The following EPHA7 variants were observed in gnomAD, a reference collection of about 807,000 sequenced individuals.
EPHA7 encodes EPH receptor A7.
A neutral mutation model predicts 112.6 loss-of-function variants in EPHA7; 25 were observed. That is an observed-to-expected ratio of 0.22 (90% CI 0.16 to 0.31). The LOEUF is 0.31. EPHA7 is among the 10% of genes least tolerant of loss of function. EPHA7 has a pLI of 1.00. For synonymous variants in EPHA7, 437 were observed against 406.5 expected (o/e 1.07, Z -0.90); for missense variants, 962 against 1,212.6 (o/e 0.79, Z 3.07).
At chr6:93,400,910 G>T (rs1374710015) in intron 3 of EPHA7, among the ~76,000 whole-genome samples, 1 of 152,112 alleles carries the variant, frequency 6.6e-6, no homozygotes, top group Non-Finnish European at 1.5e-5. Flanking sequence ...ACTTAAAAAT[G>T]ATAAATGTAT....
At chr6:93,405,835 A>G (rs866388011) in intron 3 of EPHA7, among the ~76,000 whole-genome samples, 12,097 of 134,686 alleles carry the variant, frequency 0.09, 732 homozygotes, top group East Asian at 0.18. Flanking sequence ...ATATATATAT[A>G]TATATATATA....
chr6:93,368,801 A>AAATTG (rs1256093326), intron 3 of EPHA7, among the ~76,000 whole-genome samples: 1 of 152,192 alleles, frequency 6.6e-6, no homozygotes, highest in Non-Finnish European at 1.5e-5. Flanking sequence ...AGTTAAAGCA[A>AAATTG]TCGTTCTAGC....
At chr6:93,302,833 A>T (rs948821173) in intron 5 of EPHA7, among the ~76,000 whole-genome samples, 3 of 152,074 alleles carry the variant, frequency 2.0e-5, no homozygotes, top group African/African-American at 4.8e-5. Flanking sequence ...GAAGAGAAAT[A>T]GTTGCCGATG....
chr6:93,366,404 A>C (rs1327661048), intron 3 of EPHA7, among the ~76,000 whole-genome samples: 1 of 152,200 alleles, frequency 6.6e-6, no homozygotes, highest in Non-Finnish European at 1.5e-5. Flanking sequence ...TTATATTTCT[A>C]TCTGCAAATG....
At chr6:93,260,790 A>G (rs1770651797) in intron 9 of EPHA7, 1 of 960,782 alleles carries the variant, frequency 1.0e-6, no homozygotes, top group African/African-American at 1.8e-5. Context: ...CTGAAGATGA[A>G]AAAAAAAACA....
chr6:93,402,166 T>C (rs1427014542), intron 3 of EPHA7, among the ~76,000 whole-genome samples: 4 of 152,158 alleles, frequency 2.6e-5, no homozygotes, highest in Admixed American at 2.6e-4. Flanking sequence ...AGTTTCCTAT[T>C]TCCTTCCGTA....
rs565624055 is a variant in EPHA7, at chr6:93,263,203, G to T, written c.1798+657C>A. On this transcript the variant is annotated intron_variant, in intron 9 of 16. Transcript: ENST00000369303. ...CATAAAGTAATAACAGTTACTCTCA[G>T]TGCTCTCATTTTCACATGCCATCTT... Among the ~76,000 whole-genome samples the T allele has an allele frequency of 2.3e-4, 35 of 151,402 alleles. 3 individuals are homozygous for T. In the South Asian group the frequency reaches 6.8e-3, roughly 30 times the overall value.
At position 93,393,859 on chromosome 6, in the gene EPHA7, G is replaced by A. The variant is rs1778028691; in HGVS notation, c.832+16642C>T. Among the ~76,000 whole-genome samples the A allele has an allele frequency of 1.3e-5, 2 of 151,692 alleles. 1 individual carries two copies. The highest frequency in any genetic ancestry group is 4.2e-4 in the South Asian group (2 of 4,816). ...CCTCTTTTATGGAAACTCTTTGAAT[G>A]AGGTTTCTGAAAAAAAAGTCCATCA... On this transcript the variant is annotated intron_variant, in intron 3 of 16. Transcript: ENST00000369303.
chr6:93,263,597 A>C (rs563427400), intron 9 of EPHA7, among the ~76,000 whole-genome samples: 1 of 151,582 alleles, frequency 6.6e-6, no homozygotes, highest in Non-Finnish European at 1.5e-5. Flanking sequence ...CACTTGGGCA[A>C]AGTTTGCAAA....
In EPHA7 at chr6:93,246,967, C is replaced by T. The variant is rs2127847290; in HGVS notation, c.2551G>A (p.Glu851Lys). The T allele has an allele frequency of 6.3e-7, 1 of 1,591,840 alleles. No individual in the cohort carries two copies. Among genetic ancestry groups the T allele is most frequent in the Non-Finnish European group, 8.6e-7 (1 of 1,162,938 alleles). ...SNQDVIKAIEEGYRLPAPMDC... is the reference protein window; with the variant it reads ...SNQDVIKAIEKGYRLPAPMDC... ...ATGGGTGCTGGTAAACGATAACCTT[C>T]TTCTATTGCTTTTATAACCTAATAG... Residue 851 changes from glutamate to lysine, a missense_variant, in exon 15 of 17, where the codon GAA becomes AAA. Transcript: ENST00000369303.
chr6:93,258,251 T>C lies in EPHA7; in HGVS notation c.1958A>G (p.Lys653Arg). The C allele has an allele frequency of 1.2e-6, 2 of 1,611,038 alleles. No homozygotes were observed. The highest frequency in any genetic ancestry group is 1.7e-6 in the Non-Finnish European group (2 of 1,178,408). ...TGCAACATCTCTTTTCCCTGGAAGT[T>C]TCAAACGGCCACTGCAGACTTCACC... Reference protein sequence around the residue: ...EFGEVCSGRLKLPGKRDVAVA... With the variant: ...EFGEVCSGRLRLPGKRDVAVA... The change falls in exon 11 of 17, where the codon AAA (lysine) becomes AGA (arginine). Residue 653 changes from lysine (K) to arginine (R), a missense_variant. By Grantham distance (26) the Lys-to-Arg change is conservative. Transcript: ENST00000369303.
rs557972409 is a variant in EPHA7, at chr6:93,390,060, C to T, written c.832+20441G>A. On this transcript the variant is annotated intron_variant, in intron 3 of 16. Transcript: ENST00000369303. ...TAACAAAATCACTAAACTTTAGCAT[C>T]AGAAATAAGGAGACAAAGCAGCATG... 3.8e-4 allele frequency among the ~76,000 whole-genome samples: 57 copies of T among 151,858 alleles called. 1 individual carries two copies. The highest frequency in any genetic ancestry group is 2.2e-4 in the Non-Finnish European group (15 of 67,804).
At chr6:93,365,893 A>T (rs1776483204) in intron 3 of EPHA7, among the ~76,000 whole-genome samples, 1 of 152,194 alleles carries the variant, frequency 6.6e-6, no homozygotes, top group Non-Finnish European at 1.5e-5. Flanking sequence ...GTGTTATTTA[A>T]TTATTTGATG....
rs568334270 is a variant in EPHA7, at chr6:93,254,681, C to T, written c.2498G>A (p.Gly833Glu). ...GIVMWEVMSY[G>E]ERPYWDMSNQ... ...TGACATGTCCCAATAAGGTCTTTCT[C>T]CATAAGACATAACTTCCCACATGAC... The change falls in exon 14 of 17, where the codon GGA becomes GAA. Residue 833 changes from glycine to glutamate, a missense_variant. By Grantham distance (98) the Gly-to-Glu change is moderately conservative. Coordinates refer to ENST00000369303, the MANE Select transcript of EPHA7 (RefSeq NM_004440.4). 6.2e-7 allele frequency: 1 copy of T among 1,613,274 alleles called. No homozygotes were observed. Among genetic ancestry groups the T allele is most frequent in the East Asian group, 2.2e-5 (1 of 44,840 alleles).
chr6:93,267,685 T>A (rs1437088949), intron 7 of EPHA7, among the ~76,000 whole-genome samples: 1 of 151,790 alleles, frequency 6.6e-6, no homozygotes, highest in African/African-American at 2.4e-5. Flanking sequence ...TTTCATGTGA[T>A]CTTTCAGGTT....
Position 93,243,348 on chromosome 6 carries a change from C to T in EPHA7, c.*78G>A. ...ACCCAGGACATCACTTGTCTTCTAGCAGCATTCTATGCATATACTGAAGGC... is the reference window on the plus strand; with the variant it reads ...ACCCAGGACATCACTTGTCTTCTAGTAGCATTCTATGCATATACTGAAGGC... On this transcript the variant is annotated 3_prime_UTR_variant, in exon 17 of 17. Coordinates refer to ENST00000369303, the MANE Select transcript of EPHA7 (RefSeq NM_004440.4). 1 of 1,061,592 alleles carries T rather than the reference C, an allele frequency of 9.4e-7. No homozygotes were observed. The highest frequency in any genetic ancestry group is 1.4e-5 in the South Asian group (1 of 71,402). 65.8% of individuals were successfully genotyped at this position (1,061,592 alleles called of 1,614,324 possible).
At chr6:93,262,687 A>G (rs1166093948) in intron 9 of EPHA7, among the ~76,000 whole-genome samples, 1 of 151,430 alleles carries the variant, frequency 6.6e-6, no homozygotes, top group Non-Finnish European at 1.5e-5. Flanking sequence ...TTCAATTTGT[A>G]TTTGTGTTAC....
intron 3 of EPHA7, chr6:93,409,807 C>A (rs1358656326): frequency 6.7e-6 from 1 of 150,058 alleles, no homozygotes; most frequent in Non-Finnish European, 1.5e-5. Flanking sequence ...TTTACTAATT[C>A]ATACATGATT....
At chr6:93,380,361 C>G (rs975334289) in intron 3 of EPHA7, among the ~76,000 whole-genome samples, 2 of 152,030 alleles carry the variant, frequency 1.3e-5, no homozygotes, top group African/African-American at 4.8e-5. Flanking sequence ...CAATATGCGA[C>G]AATAAAAGCA....
Sources: gnomAD v4.1 joint callset for allele counts (sites outside exome capture counted in the v4.1 genomes callset) on GRCh38, gnomAD v4.1.1 for gene constraint, MANE v1.5 for transcripts, NCBI Gene and HGNC (gene_info 2026-07-23, HGNC 2026-07-21) for gene names.